Variants in USP13 observed in about 807,000 individuals in gnomAD.
USP13 encodes the protein ubiquitin specific peptidase 13, also known as ubiquitin carboxyl-terminal hydrolase 13.
Under a neutral mutation model 107.8 loss-of-function variants are expected in USP13, and 68 were observed. That is an observed-to-expected ratio of 0.63 (90% confidence interval 0.52 to 0.77). USP13 has a LOEUF of 0.77. Among genes scored for constraint, USP13 ranks in the 30% least tolerant of loss-of-function variants. The pLI is 0.00. For missense variants in USP13, 945 were observed against 1,093.3 expected (o/e 0.86, Z 1.91); for synonymous variants, 377 against 389.5 (o/e 0.97, Z 0.38).
In USP13 at chr3:179,761,230, G is replaced by A. The variant is rs1469745655; in HGVS notation, c.2067G>A (p.Trp689Ter). Reference protein sequence around the residue: ...GNMGAEVAFNWIIVHMEEPDF... With the variant: ...GNMGAEVAFN Reference sequence around the variant, plus strand: ...TGGGCGCCGAGGTGGCCTTCAACTGGATCATTGTTCACATGGAAGAGCCAG... The same window carrying A: ...TGGGCGCCGAGGTGGCCTTCAACTGAATCATTGTTCACATGGAAGAGCCAG... Residue 689 changes from tryptophan (W) to a stop codon, truncating the protein, a stop_gained, in exon 17 of 21, where the codon TGG (tryptophan) becomes TGA (stop). Transcript: ENST00000263966. LOFTEE classifies it high-confidence loss of function. The A allele has an allele frequency of 6.2e-7, 1 of 1,614,050 alleles. No individual in the cohort carries two copies. Among genetic ancestry groups the A allele is most frequent in the African/African-American group, 1.3e-5 (1 of 74,930 alleles).
At chr3:179,683,012 A>G (rs1175705964) in intron 2 of USP13, among the ~76,000 whole-genome samples, 2 of 150,094 alleles carry the variant, frequency 1.3e-5, no homozygotes, top group Non-Finnish European at 3.0e-5. Flanking sequence ...ATTTAGATGA[A>G]GTGGCATCTA....
chr3:179,772,017 C>G (rs1337022952), intron 19 of USP13, among the ~76,000 whole-genome samples: 1 of 152,156 alleles, frequency 6.6e-6, no homozygotes, highest in Non-Finnish European at 1.5e-5. Flanking sequence ...GAAGTGGTGA[C>G]AAAGCTAAGT....
chr3:179,781,499 T>G (rs1385642605), intron 19 of USP13, among the ~76,000 whole-genome samples: 1 of 151,786 alleles, frequency 6.6e-6, no homozygotes, highest in Non-Finnish European at 1.5e-5. Context: ...TTTCCACATT[T>G]GAATTTAACA....
chr3:179,691,088 G>C (rs1712101452), intron 3 of USP13, among the ~76,000 whole-genome samples: 1 of 151,224 alleles, frequency 6.6e-6, no homozygotes, highest in Non-Finnish European at 1.5e-5. Flanking sequence ...AGGATCACTT[G>C]AGCCCAGGAA....
chr3:179,775,500 G>C (rs1479842803), intron 19 of USP13, among the ~76,000 whole-genome samples: 2 of 152,284 alleles, frequency 1.3e-5, no homozygotes, highest in Admixed American at 1.3e-4. Context: ...CTGCCCGCCA[G>C]TTCCGCGCCA....
Position 179,723,181 on chromosome 3 carries a change from C to T in USP13, c.1088+1592C>T, listed in dbSNP as rs183766203. On this transcript the variant is annotated intron_variant, in intron 8 of 20. Coordinates refer to ENST00000263966, the MANE Select transcript of USP13 (RefSeq NM_003940.3). ...GGAGTTGAAATCCTAATGGCTTTAA[C>T]GGCGGTTCATCAAAAGTATGTCACA... is the stretch of plus-strand genomic sequence containing the variant. Among the ~76,000 whole-genome samples the T allele has an allele frequency of 2.5e-3, 380 of 152,346 alleles. 1 individual carries two copies. The highest frequency in any genetic ancestry group is 8.0e-3 in the African/African-American group (333 of 41,572).
At chr3:179,679,674 T>G (rs1354444889) in intron 1 of USP13, among the ~76,000 whole-genome samples, 1 of 152,092 alleles carries the variant, frequency 6.6e-6, no homozygotes, top group Non-Finnish European at 1.5e-5. Flanking sequence ...ATTGTAGCAG[T>G]ATGTCTTTAA....
At chr3:179,731,755 C>T (rs537801249) in intron 10 of USP13, among the ~76,000 whole-genome samples, 34 of 152,274 alleles carry the variant, frequency 2.2e-4, no homozygotes, top group African/African-American at 7.7e-4. Context: ...ACCGTCCTCT[C>T]CCGTTGCCAC....
At chr3:179,746,547 C>A (rs894960287) in intron 13 of USP13, among the ~76,000 whole-genome samples, 1 of 152,030 alleles carries the variant, frequency 6.6e-6, no homozygotes, top group Admixed American at 6.5e-5. Flanking sequence ...ATTCTCCTGC[C>A]TCAGCTTCCC....
intron 3 of USP13, among the ~76,000 whole-genome samples, chr3:179,693,037 C>T (rs1411348934): frequency 6.6e-6 from 1 of 152,164 alleles, no homozygotes; most frequent in African/African-American, 2.4e-5. Context: ...AAAAAGTGTT[C>T]TATGACTATA....
At chr3:179,699,937 T>C (rs1712458896) in intron 3 of USP13, among the ~76,000 whole-genome samples, 1 of 152,022 alleles carries the variant, frequency 6.6e-6, no homozygotes, top group East Asian at 1.9e-4. Context: ...AAAATAACTT[T>C]CTTCTGTCTA....
intron 3 of USP13, among the ~76,000 whole-genome samples, chr3:179,694,678 G>A (rs1228018716): frequency 1.3e-5 from 2 of 151,824 alleles, no homozygotes; most frequent in African/African-American, 4.8e-5. Context: ...GCACATGACT[G>A]TAATCCCAGC....
rs564503712 is a variant in USP13, at chr3:179,714,905, C to G, written c.806-5035C>G. On this transcript the variant is annotated intron_variant, in intron 6 of 20. Coordinates refer to ENST00000263966, the MANE Select transcript of USP13 (RefSeq NM_003940.3). ...TTTTTGTTTGAGGCAGGGTCTCACT[C>G]TGTTGCCCAGGCTGGAGAGCAGTGG... Among the ~76,000 whole-genome samples, 10 of 141,476 alleles carry G rather than the reference C, an allele frequency of 7.1e-5. No individual in the cohort carries two copies. In the South Asian group the frequency reaches 1.8e-3, roughly 25 times the overall value. 92.8% of individuals were successfully genotyped at this position (141,476 alleles called of 152,430 possible). A position where few individuals can be genotyped will look rare whatever the true frequency, so the allele number is the denominator to read the frequency against.
intron 1 of USP13, among the ~76,000 whole-genome samples, chr3:179,672,785 G>T (rs796807053): frequency 6.6e-6 from 1 of 152,164 alleles, no homozygotes; most frequent in African/African-American, 2.4e-5. Context: ...ATAGAGCCCT[G>T]TGCAGTATTT....
At chr3:179,758,504 T>A (rs1292989725) in intron 16 of USP13, among the ~76,000 whole-genome samples, 7 of 150,280 alleles carry the variant, frequency 4.7e-5, no homozygotes, top group African/African-American at 1.7e-4. Context: ...TTTCTTAAAT[T>A]TTTTTTTTTT....
At chr3:179,677,335 C>T (rs1195109785) in intron 1 of USP13, among the ~76,000 whole-genome samples, 1 of 151,854 alleles carries the variant, frequency 6.6e-6, no homozygotes, top group African/African-American at 2.4e-5. Flanking sequence ...GTAATCCCAG[C>T]ACTTTGGGAG....
chr3:179,706,869 A>G (rs894119886), intron 4 of USP13, 65 bp from the exon 5 acceptor site: 1 of 1,518,904 alleles, frequency 6.6e-7, no homozygotes, highest in Non-Finnish European at 8.9e-7. Context: ...TGAATTTGCT[A>G]TTCACTAGCA....
chr3:179,746,247 A>G (rs1042829278), intron 13 of USP13, among the ~76,000 whole-genome samples: 4 of 147,440 alleles, frequency 2.7e-5, no homozygotes, highest in Non-Finnish European at 6.0e-5. Context: ...TACATATAAT[A>G]TATATAAGTA....
intron 8 of USP13, among the ~76,000 whole-genome samples, chr3:179,726,365 G>A (rs1560063866): frequency 1.3e-5 from 2 of 152,248 alleles, no homozygotes. Context: ...TGAAGGGCTG[G>A]AGAAAGGGAT....
Sources: gnomAD v4.1 joint callset for allele counts (sites outside exome capture counted in the v4.1 genomes callset) on GRCh38, gnomAD v4.1.1 for gene constraint, MANE v1.5 for transcripts, NCBI Gene and HGNC (gene_info 2026-07-23, HGNC 2026-07-21) for gene names.